Variants in POLD1 observed in about 807,000 individuals in gnomAD.
POLD1 encodes the protein DNA polymerase delta 1, catalytic subunit, also known as DNA polymerase delta catalytic subunit.
A neutral mutation model predicts 129.7 loss-of-function variants in POLD1; 79 were observed. The ratio of observed to expected loss-of-function variants is 0.61; its 90% CI spans 0.51 to 0.73. The LOEUF is 0.73. Among genes scored for constraint, POLD1 ranks in the 30% least tolerant of loss-of-function variants. The probability of loss-of-function intolerance (pLI) is 0.00; values close to 1 mark genes in which losing one functional copy is unlikely to be tolerated. For missense variants in POLD1, 1,338 were observed against 1,595.8 expected (o/e 0.84, Z 2.75); for synonymous variants, 714 against 683.3 (o/e 1.04, Z -0.70).
intron 17 of POLD1, among the ~76,000 whole-genome samples, chr19:50,411,993 A>C (rs1023060541): frequency 1.3e-5 from 2 of 152,112 alleles, no homozygotes; most frequent in African/African-American, 4.8e-5. Flanking sequence ...AACCAAACAA[A>C]ACTAGCCAGG....
At chr19:50,404,735 C>T (rs1000784700) in intron 10 of POLD1, among the ~76,000 whole-genome samples, 9 of 150,964 alleles carry the variant, frequency 6.0e-5, no homozygotes, top group African/African-American at 1.5e-4. Flanking sequence ...TGAGCCACCA[C>T]GCCCCGCAAA....
Position 50,405,084 on chromosome 19 carries a change from G to GT in POLD1, c.1243-1090dup, listed in dbSNP as rs987077009. Among the ~76,000 whole-genome samples the GT allele has an allele frequency of 8.6e-5, 13 of 151,064 alleles. No individual in the cohort carries two copies. In the East Asian group the frequency reaches 9.8e-4, roughly 11 times the overall value. ...CTGGCCTATTTTTGTTTTTGTTTTT[G>GT]TTTTTTTTAGCAGAGACTAGGTTTC... is the stretch of plus-strand genomic sequence containing the variant. On this transcript the variant is annotated intron_variant, in intron 10 of 26. Transcript: ENST00000440232.
intron 1 of POLD1, among the ~76,000 whole-genome samples, chr19:50,392,993 C>A (rs1299234599): frequency 6.6e-6 from 1 of 152,222 alleles, no homozygotes; most frequent in Non-Finnish European, 1.5e-5. Context: ...ATTTAAATAG[C>A]CCCCTGGGGG....
At chr19:50,401,156 G>A (rs1182374709) in intron 3 of POLD1, among the ~76,000 whole-genome samples, 3 of 151,044 alleles carry the variant, frequency 2.0e-5, no homozygotes, top group Non-Finnish European at 4.4e-5. Flanking sequence ...AGGTGTGGTG[G>A]CATGGGCCTG....
chr19:50,396,671 G>A (rs1242881109), intron 1 of POLD1, among the ~76,000 whole-genome samples: 3 of 148,502 alleles, frequency 2.0e-5, no homozygotes, highest in South Asian at 2.2e-4. Context: ...TAGTAGAGAC[G>A]GGGTTTCACC....
At chr19:50,401,636 G>C (rs2038633268) in intron 3 of POLD1, 142 bp from the exon 4 acceptor site, 4 of 857,402 alleles carry the variant, frequency 4.7e-6, no homozygotes, top group South Asian at 1.5e-5. Context: ...GGGAACCAGG[G>C]GGGAGGCTGA....
At chr19:50,415,625 AC>A in intron 21 of POLD1, 35 bp downstream of exon 21, 1 of 1,597,952 alleles carries the variant, frequency 6.3e-7, no homozygotes, top group Non-Finnish European at 8.5e-7. Flanking sequence ...GCCAGAAATA[AC>A]CCCCTCCTTC....
rs1060501810 is a variant in POLD1 at position 50,408,808 on chromosome 19, C to T, written c.1799C>T (p.Thr600Ile). 1.6e-5 allele frequency: 26 copies of T among 1,613,854 alleles called. No homozygotes were observed. Among genetic ancestry groups the T allele is most frequent in the Non-Finnish European group, 2.2e-5 (26 of 1,179,988 alleles). The change falls in exon 15 of 27, where the codon ACC becomes ATC. Residue 600 changes from threonine (T) to isoleucine (I), a missense_variant. Physicochemically the swap from Thr to Ile is moderately conservative, Grantham distance 89. Transcript: ENST00000440232. The part of the protein sequence containing the change: ...LKGYYDVPIA[T>I]LDFSSLYPSI... ...AGGTACTACGACGTCCCCATCGCCACCCTGGACTTCTCCTCGCTGTACCCG... is the reference window on the plus strand; with the variant it reads ...AGGTACTACGACGTCCCCATCGCCATCCTGGACTTCTCCTCGCTGTACCCG...
At chr19:50,417,434 T>G (rs572828398) in intron 26 of POLD1, among the ~76,000 whole-genome samples, 165 bp downstream of exon 26, 1 of 152,144 alleles carries the variant, frequency 6.6e-6, no homozygotes, top group East Asian at 1.9e-4. Context: ...GTCTGAAAAA[T>G]GGGCCCATCC....
At position 50,403,053 on chromosome 19, in the gene POLD1, G is replaced by A. The variant is rs1388338405; in HGVS notation, c.971G>A (p.Gly324Asp). 7 of 1,556,818 alleles carry A rather than the reference G, an allele frequency of 4.5e-6. No individual in the cohort carries two copies. The Admixed American group carries it at 5.8e-5, about 13-fold the overall frequency. ...SFDIECAGRK[G>D]IFPEPERDPV... ...GCCCCTGCATCCTCCTGCCTCGCAG[G>A]CATCTTCCCTGAGCCTGAGCGGGAC... is the stretch of plus-strand genomic sequence containing the variant. The change falls in exon 9 of 27, where the codon GGC (glycine) becomes GAC (aspartate). Residue 324 changes from glycine (G) to aspartate (D), a missense_variant and splice_region_variant. Around this residue, in one of 3 missense-constraint regions of POLD1, gnomAD observed 720 missense variants for 1,002.6 expected, o/e 0.72. Transcript: ENST00000440232.
chr19:50,403,949 G>C (rs2038767975), intron 10 of POLD1, among the ~76,000 whole-genome samples: 1 of 152,110 alleles, frequency 6.6e-6, no homozygotes, highest in Non-Finnish European at 1.5e-5. Flanking sequence ...GGAGGAGGAG[G>C]GGGGAGTGTG....
chr19:50,395,023 A>G (rs1159669521), intron 1 of POLD1: 1 of 115,692 alleles, frequency 8.6e-6, no homozygotes, highest in Non-Finnish European at 1.7e-5. Flanking sequence ...TTTTTTTTTT[A>G]GTAGAGACAG....
intron 1 of POLD1, among the ~76,000 whole-genome samples, chr19:50,391,853 T>C (rs1461229833): frequency 1.3e-5 from 2 of 151,946 alleles, no homozygotes; most frequent in African/African-American, 2.4e-5. Context: ...GCTGGGATTA[T>C]AGGCGCCCGC....
At chr19:50,416,180 C>A in intron 22 of POLD1, 1 of 596,808 alleles carries the variant, frequency 1.7e-6, no homozygotes. Context: ...CTTGCTTCCC[C>A]TTGTGAACTC....
intron 17 of POLD1, 74 bp from the exon 18 acceptor site, chr19:50,413,352 C>T: frequency 1.6e-6 from 2 of 1,233,586 alleles, no homozygotes; most frequent in South Asian, 1.3e-5. Context: ...AGAGGCGGGA[C>T]CCCTCCCCCG....
intron 24 of POLD1, 27 bp from the exon 25 acceptor site, chr19:50,417,018 C>A: frequency 6.5e-7 from 1 of 1,545,642 alleles, no homozygotes; most frequent in South Asian, 1.2e-5. Context: ...TGGGCCCCAG[C>A]ACTTGGGCTG....
intron 3 of POLD1, 144 bp from the exon 4 acceptor site, chr19:50,401,634 G>A: frequency 2.4e-6 from 2 of 845,394 alleles, no homozygotes; most frequent in Admixed American, 4.1e-5. Flanking sequence ...ATGGGAACCA[G>A]GGGGGAGGCT....
intron 20 of POLD1, among the ~76,000 whole-genome samples, chr19:50,415,192 C>T (rs1451831468): frequency 2.0e-5 from 3 of 152,202 alleles, no homozygotes; most frequent in Non-Finnish European, 2.9e-5. Flanking sequence ...AGCCCCTCCT[C>T]CTCTGGGAAC....
At position 50,416,279 on chromosome 19, in the gene POLD1, C is replaced by A. The variant is rs935524004; in HGVS notation, c.2821-117C>A. The stretch of plus-strand genomic sequence containing the variant: ...GACCCCATCCCAGACCCAGGCCCCC[C>A]CCATGTCACAGCCCGCAGGCAGGCC... On this transcript the variant is annotated intron_variant, in intron 22 of 26. Transcript: ENST00000440232. 8 of 1,084,658 alleles carry A rather than the reference C, an allele frequency of 7.4e-6. 1 individual carries two copies. The highest frequency in any genetic ancestry group is 3.0e-4 in the Middle Eastern group (1 of 3,342). The allele number at this position is 1,084,658 out of a possible 1,614,324, so 67.2% of individuals were successfully genotyped here. A position where few individuals can be genotyped will look rare whatever the true frequency, so the allele number is the denominator to read the frequency against.
Sources: gnomAD v4.1 joint callset for allele counts (sites outside exome capture counted in the v4.1 genomes callset) on GRCh38, gnomAD v4.1.1 for gene constraint, gnomAD v4.1.1 regional missense constraint, MANE v1.5 for transcripts, NCBI Gene and HGNC (gene_info 2026-07-23, HGNC 2026-07-21) for gene names.